Variants in TRAPPC9 observed in about 807,000 individuals in gnomAD.
The protein encoded by TRAPPC9 is IKK2 binding protein.
In TRAPPC9, 83 loss-of-function variants were observed where a neutral mutation model predicts 124.0. That is an observed-to-expected ratio of 0.67 (90% CI 0.56 to 0.80). The LOEUF is 0.80. Among genes scored for constraint, TRAPPC9 ranks in the 30% least tolerant of loss-of-function variants. TRAPPC9 has a pLI of 0.00. For missense variants in TRAPPC9, 1,302 were observed against 1,508.3 expected, an observed-to-expected ratio of 0.86 and a Z score of 2.27; for synonymous variants, 638 against 617.5, an observed-to-expected ratio of 1.03 and a Z score of -0.49.
chr8:140,282,550 G>A (rs1459629290), intron 14 of TRAPPC9, among the ~76,000 whole-genome samples: 81 of 126,230 alleles, frequency 6.4e-4, no homozygotes, highest in African/African-American at 2.7e-3. Context: ...CTGGGCAACA[G>A]AGCAAGACTC....
At chr8:140,154,027 T>C (rs1393652944) in intron 17 of TRAPPC9, among the ~76,000 whole-genome samples, 1 of 152,220 alleles carries the variant, frequency 6.6e-6, no homozygotes, top group Non-Finnish European at 1.5e-5. Flanking sequence ...AACATCACCT[T>C]TGAGCTCTAG....
intron 21 of TRAPPC9, among the ~76,000 whole-genome samples, chr8:139,827,890 G>A (rs890024202): frequency 6.6e-5 from 10 of 152,214 alleles, no homozygotes; most frequent in African/African-American, 9.6e-5. Flanking sequence ...GGCAAAGTGG[G>A]AGCAGGCGTG....
At chr8:140,064,246 G>A (rs911804664) in intron 17 of TRAPPC9, among the ~76,000 whole-genome samples, 1 of 152,116 alleles carries the variant, frequency 6.6e-6, no homozygotes, top group Non-Finnish European at 1.5e-5. Flanking sequence ...ACAATAATGG[G>A]TTATGTGAAA....
At chr8:140,193,763 GC>G (rs1310514001) in intron 17 of TRAPPC9, among the ~76,000 whole-genome samples, 1 of 152,100 alleles carries the variant, frequency 6.6e-6, no homozygotes, top group African/African-American at 2.4e-5. Context: ...GGTGACCAAG[GC>G]CACCTCCAAG....
At chr8:139,966,701 G>A (rs994709354) in intron 19 of TRAPPC9, among the ~76,000 whole-genome samples, 13 of 152,090 alleles carry the variant, frequency 8.5e-5, no homozygotes, top group Non-Finnish European at 1.5e-4. Flanking sequence ...TTTCTGTACC[G>A]GCCATAGGGG....
At chr8:139,842,108 A>T (rs1011439964) in intron 21 of TRAPPC9, among the ~76,000 whole-genome samples, 1 of 152,046 alleles carries the variant, frequency 6.6e-6, no homozygotes, top group Non-Finnish European at 1.5e-5. Context: ...GAAACTAGGA[A>T]CTCTGCACTG....
intron 17 of TRAPPC9, chr8:140,095,866 G>A (rs528715578): frequency 3.3e-5 from 5 of 152,300 alleles, no homozygotes; most frequent in East Asian, 3.9e-4. Context: ...CAGGAAGAGC[G>A]GTGCCTCTCC....
intron 15 of TRAPPC9, among the ~76,000 whole-genome samples, chr8:140,269,449 G>T (rs1202796934): frequency 6.6e-6 from 1 of 152,016 alleles, no homozygotes; most frequent in Non-Finnish European, 1.5e-5. Context: ...GCTGAGGCAG[G>T]AGAATGGCGT....
chr8:139,993,002 C>T (rs1033467039), intron 18 of TRAPPC9, among the ~76,000 whole-genome samples: 8 of 152,010 alleles, frequency 5.3e-5, no homozygotes, highest in Non-Finnish European at 7.4e-5. Context: ...AGAAAGACTT[C>T]TCAAATGAGT....
At chr8:140,295,616 ACCAG>A (rs2065783397) in intron 11 of TRAPPC9, among the ~76,000 whole-genome samples, 1 of 152,250 alleles carries the variant, frequency 6.6e-6, no homozygotes, top group Non-Finnish European at 1.5e-5. Flanking sequence ...TGATGGCCAC[ACCAG>A]CCAACACACA....
chr8:139,934,663 C>A (rs973353351), intron 19 of TRAPPC9, among the ~76,000 whole-genome samples: 2 of 152,352 alleles, frequency 1.3e-5, no homozygotes, highest in African/African-American at 4.8e-5. Context: ...AATCTCCAGG[C>A]TGCACATGTG....
intron 18 of TRAPPC9, among the ~76,000 whole-genome samples, chr8:139,997,357 C>T (rs1488877867): frequency 6.6e-6 from 1 of 150,962 alleles, no homozygotes; most frequent in Non-Finnish European, 1.5e-5. Flanking sequence ...ACGCATCCTA[C>T]ACAGGGCAGA....
intron 16 of TRAPPC9, among the ~76,000 whole-genome samples, chr8:140,231,766 G>A (rs534364384): frequency 2.0e-5 from 3 of 150,960 alleles, no homozygotes; most frequent in Admixed American, 6.6e-5. Context: ...TCTGCCACAG[G>A]GTTTTTACAC....
At chr8:140,215,969 T>A (rs949985502) in intron 17 of TRAPPC9, 1 of 152,156 alleles carries the variant, frequency 6.6e-6, no homozygotes, top group African/African-American at 2.4e-5. Context: ...ACCGATGAAA[T>A]GATGGTCCAA....
Position 140,353,807 on chromosome 8 carries a change from G to A in TRAPPC9, c.1495+6243C>T, listed in dbSNP as rs373303498. 3.9e-5 allele frequency among the ~76,000 whole-genome samples: 6 copies of A among 152,184 alleles called. No individual in the cohort carries two copies. The highest frequency in any genetic ancestry group is 7.3e-5 in the Non-Finnish European group (5 of 68,040). On this transcript the variant is annotated intron_variant, in intron 9 of 22. Coordinates refer to ENST00000438773, the MANE Select transcript of TRAPPC9 (RefSeq NM_001160372.4). This position sits in a 1 kb window ranked among gnomAD's most constrained non-coding sequence, Gnocchi z 4.2. The stretch of plus-strand genomic sequence containing the variant: ...GACAGAAGACATCATTCATTCAGCC[G>A]GCATTTAAGGACCCGTAAGGTACCA...
chr8:140,044,496 A>C (rs1302686233), intron 17 of TRAPPC9, among the ~76,000 whole-genome samples: 1 of 152,218 alleles, frequency 6.6e-6, no homozygotes, highest in East Asian at 1.9e-4. Context: ...ATGCTAACAG[A>C]CAGCCATGAC....
At chr8:139,959,497 G>C (rs1316207614) in intron 19 of TRAPPC9, among the ~76,000 whole-genome samples, 1 of 152,214 alleles carries the variant, frequency 6.6e-6, no homozygotes, top group Non-Finnish European at 1.5e-5. Flanking sequence ...GTGAAGCTGA[G>C]CCGTGGACCT....
In TRAPPC9 at chr8:140,275,658, C is replaced by G. The variant is rs749556580; in HGVS notation, c.2278G>C (p.Glu760Gln). The part of the protein sequence containing the change: ...EVTSKVLTTK[E>Q]KLYGDFLSWK... ...GGTCAAAGCTGCTTACAATACCTAC[C>G]TTTAGTGGTGAGAACTTTCGAGGTG... The change falls in exon 15 of 23, where the codon GAA (glutamate) becomes CAA (glutamine). Residue 760 changes from glutamate to glutamine, a missense_variant and splice_region_variant. By Grantham distance (29) the Glu-to-Gln change is conservative (BLOSUM62 2). Transcript: ENST00000438773. 3 of 1,614,054 alleles carry G rather than the reference C, an allele frequency of 1.9e-6. No individual in the cohort carries two copies. The highest frequency in any genetic ancestry group is 2.5e-6 in the Non-Finnish European group (3 of 1,179,918).
chr8:140,294,059 G>A (rs1311447877), intron 11 of TRAPPC9, among the ~76,000 whole-genome samples: 2 of 152,002 alleles, frequency 1.3e-5, no homozygotes, highest in African/African-American at 4.8e-5. Context: ...CTGACAGGCT[G>A]GCCCGCCTGC....
Sources: gnomAD v4.1 joint callset for allele counts (sites outside exome capture counted in the v4.1 genomes callset) on GRCh38, gnomAD v4.1.1 for gene constraint, Gnocchi (gnomAD v3.1) non-coding constraint, MANE v1.5 for transcripts, NCBI Gene and HGNC (gene_info 2026-07-23, HGNC 2026-07-21) for gene names.